The following KAZN variants were observed in gnomAD, a reference collection of about 807,000 sequenced individuals.
KAZN encodes kazrin, periplakin interacting protein, also known as kazrin.
Under a neutral mutation model 87.4 loss-of-function variants are expected in KAZN, and 40 were observed. The ratio of observed to expected loss-of-function variants is 0.46; its 90% CI spans 0.36 to 0.60. The LOEUF is 0.60. Ranked by LOEUF, KAZN falls within the 20% of genes least tolerant of loss-of-function variation. The pLI, the probability that KAZN is intolerant of heterozygous loss-of-function variation, is 0.00. For missense variants in KAZN, 898 were observed against 1,073.9 expected, an observed-to-expected ratio of 0.84 and a Z score of 2.29; for synonymous variants, 466 against 458.3, an observed-to-expected ratio of 1.02 and a Z score of -0.22.
rs891223527 is a variant in KAZN, at chr1:14,281,092, G to A, written c.249+100500G>A. Among the ~76,000 whole-genome samples, 14 of 152,272 alleles carry A rather than the reference G, an allele frequency of 9.2e-5. 1 individual carries two copies. Among genetic ancestry groups the A allele is most frequent in the South Asian group, 8.3e-4 (4 of 4,818 alleles). ...GGAACCAGTTTCACTGGATATTTCC[G>A]AAAGGATTTCTAAATGTTCTTAACT... On this transcript the variant is annotated intron_variant, in intron 2 of 16. Transcript: ENST00000636203.
At position 14,472,207 on chromosome 1, in the gene KAZN, G is replaced by C. The variant is rs536851891; in HGVS notation, c.250-126776G>C. Among the ~76,000 whole-genome samples, 162 of 152,138 alleles carry C rather than the reference G, an allele frequency of 1.1e-3. 1 individual carries two copies. Among genetic ancestry groups the C allele is most frequent in the South Asian group, 7.1e-3 (34 of 4,798 alleles). On this transcript the variant is annotated intron_variant, in intron 2 of 16. Transcript: ENST00000636203. ...TCCTGAAAGGCCCCACCTGTACTAC[G>C]GACACATTGTAGATTAGGTTTCAAG...
intron 2 of KAZN, among the ~76,000 whole-genome samples, chr1:14,368,123 A>G (rs1290726936): frequency 6.6e-6 from 1 of 152,150 alleles, no homozygotes; most frequent in East Asian, 1.9e-4. Context: ...TGCAGATACA[A>G]CACATAACAT....
At chr1:14,655,076 C>G (rs2148704342) in intron 1 of KAZN, among the ~76,000 whole-genome samples, 1 of 152,320 alleles carries the variant, frequency 6.6e-6, no homozygotes, top group East Asian at 1.9e-4. Context: ...CTCAGAAGGT[C>G]TGGGCCAGGG....
At position 13,981,095 on chromosome 1, in the gene KAZN, A is replaced by ATATATATATATATATATATATATG. The variant is rs1196413078; in HGVS notation, c.91+87354_91+87355insATATATATGTATATATATATATAT. On this transcript the variant is annotated intron_variant, in intron 1 of 16. Transcript: ENST00000636203. ...AGGTATAAAAAATTACTCTTTATAT[A>ATATATATATATATATATATATATG]TATATATATATATATGTATATATAA... is the stretch of plus-strand genomic sequence containing the variant. Among the ~76,000 whole-genome samples, 673 of 104,172 alleles carry ATATATATATATATATATATATATG rather than the reference A, an allele frequency of 6.5e-3. 37 individuals are homozygous for ATATATATATATATATATATATATG. The highest frequency in any genetic ancestry group is 0.024 in the African/African-American group (613 of 25,516). 68.3% of individuals were successfully genotyped at this position (104,172 alleles called of 152,430 possible).
At chr1:15,107,162 A>G (rs1210155360) in intron 13 of KAZN, among the ~76,000 whole-genome samples, 1 of 152,124 alleles carries the variant, frequency 6.6e-6, no homozygotes, top group Non-Finnish European at 1.5e-5. Context: ...CTTTTGCCAT[A>G]AAAGCCACCC....
At chr1:14,803,180 G>GC (rs1572522964) in intron 1 of KAZN, among the ~76,000 whole-genome samples, 2 of 124,604 alleles carry the variant, frequency 1.6e-5, no homozygotes, top group East Asian at 5.5e-4. Flanking sequence ...TCTGCGCAGT[G>GC]TCTGCTGAGG....
At chr1:14,530,650 C>T (rs868774459) in intron 2 of KAZN, among the ~76,000 whole-genome samples, 62 of 152,234 alleles carry the variant, frequency 4.1e-4, no homozygotes, top group Admixed American at 2.2e-3. Flanking sequence ...CCCTTTCTCA[C>T]GATGCAATGT....
chr1:14,103,988 C>T (rs1361803495), intron 1 of KAZN, among the ~76,000 whole-genome samples: 1 of 152,214 alleles, frequency 6.6e-6, no homozygotes, highest in African/African-American at 2.4e-5. Context: ...AGGCAAAAAT[C>T]GACATTATAA....
chr1:14,409,863 C>G (rs140559587), intron 2 of KAZN, among the ~76,000 whole-genome samples: 294 of 152,222 alleles, frequency 1.9e-3, no homozygotes, highest in African/African-American at 6.7e-3. Context: ...CATCAAAAAA[C>G]AGAATATAAC....
intron 2 of KAZN, among the ~76,000 whole-genome samples, chr1:14,238,759 G>A (rs1268804978): frequency 4.6e-5 from 7 of 152,192 alleles, no homozygotes. Flanking sequence ...TGGAGGACCT[G>A]GACTTTTCCA....
At chr1:14,249,170 C>T (rs565851760) in intron 2 of KAZN, among the ~76,000 whole-genome samples, 5 of 152,288 alleles carry the variant, frequency 3.3e-5, no homozygotes, top group African/African-American at 1.2e-4. Context: ...GATCCATGAG[C>T]ACCATGCAGC....
At chr1:14,930,216 G>A (rs1659654289) in intron 1 of KAZN, among the ~76,000 whole-genome samples, 1 of 152,166 alleles carries the variant, frequency 6.6e-6, no homozygotes. Flanking sequence ...TAATCTGCCG[G>A]TGCCCGTGGT....
rs1207556626 is a variant in KAZN at position 14,808,315 on chromosome 1, A to C, written c.227-152369A>C. 9.0e-5 allele frequency among the ~76,000 whole-genome samples: 4 copies of C among 44,520 alleles called. No homozygotes were observed. The Admixed American group carries it at 1.2e-3, about 13-fold the overall frequency. 29.2% of individuals were successfully genotyped at this position (44,520 alleles called of 152,430 possible). On this transcript the variant is annotated intron_variant, in intron 1 of 14. Transcript: ENST00000376030. ...CTTTTTTTTTTTTTTTTTTTTTTTG[A>C]GATGGCGTCTCACTCTGTCACCCCA...
In KAZN at chr1:14,139,927, ATGTGTGTGTGTGTGTGTGTGTGTGTGTG is replaced by A. The variant is rs541192220; in HGVS notation, c.92-40493_92-40466del. On this transcript the variant is annotated intron_variant, in intron 1 of 16. Transcript: ENST00000636203. ...AGGAGGGAAAGGGGATTTGAGGTAA[ATGTGTGTGTGTGTGTGTGTGTGTGTGTG>A]TGTGTGTGTGTGTGGTATGTATGTG... 7.4e-3 allele frequency among the ~76,000 whole-genome samples: 1,016 copies of A among 136,696 alleles called. 15 individuals carry two copies. Among genetic ancestry groups the A allele is most frequent in the African/African-American group, 0.03 (974 of 32,486 alleles). The allele number at this position is 136,696 out of a possible 152,430, so 89.7% of individuals were successfully genotyped here.
rs574394471 is a variant in KAZN, at chr1:14,209,394, TG to T, written c.249+28803del. Among the ~76,000 whole-genome samples, 480 of 152,288 alleles carry T rather than the reference TG, an allele frequency of 3.2e-3. 1 individual carries two copies. The highest frequency in any genetic ancestry group is 5.5e-3 in the Non-Finnish European group (374 of 68,028). ...GTGGAAATATAAGAACCAGGGGAGATGTTTTTTTCCAGCATACCCCATCTCC... is the reference window on the plus strand; with the variant it reads ...GTGGAAATATAAGAACCAGGGGAGATTTTTTTTCCAGCATACCCCATCTCC... On this transcript the variant is annotated intron_variant, in intron 2 of 16. Transcript: ENST00000636203.
At chr1:15,014,064 A>G (rs1237340280) in intron 2 of KAZN, among the ~76,000 whole-genome samples, 2 of 152,114 alleles carry the variant, frequency 1.3e-5, no homozygotes, top group Admixed American at 6.5e-5. Context: ...GTTTTGTCTT[A>G]GGCTGAGCAG....
rs80145007 is a variant in KAZN, at chr1:14,165,511, A to G, written c.92-14924A>G. On this transcript the variant is annotated intron_variant, in intron 1 of 16. Transcript: ENST00000636203. The stretch of plus-strand genomic sequence containing the variant: ...ATTTCTAATTCTCATTTGCATGCAG[A>G]TTGTGTCCCTGAGCTCCACAAGGCT... Among the ~76,000 whole-genome samples the G allele has an allele frequency of 3.8e-3, 578 of 152,244 alleles. 17 individuals are homozygous for G. The East Asian group carries it at 0.086, about 23-fold the overall frequency.
intron 1 of KAZN, among the ~76,000 whole-genome samples, chr1:13,957,031 T>C (rs1641576130): frequency 6.6e-6 from 1 of 152,238 alleles, no homozygotes; most frequent in East Asian, 1.9e-4. Flanking sequence ...TATGAGATGA[T>C]CTTGCATTTA....
intron 2 of KAZN, among the ~76,000 whole-genome samples, chr1:14,259,398 T>C (rs1650834685): frequency 6.6e-6 from 1 of 152,072 alleles, no homozygotes; most frequent in Admixed American, 6.5e-5. Flanking sequence ...ACGGCGGCCA[T>C]GGCACAGAGA....
Sources: allele counts gnomAD v4.1 joint callset (sites outside exome capture counted in the v4.1 genomes callset), GRCh38; gene constraint gnomAD v4.1.1; transcripts MANE v1.5; gene names NCBI Gene and HGNC (gene_info 2026-07-23, HGNC 2026-07-21).